GRXCR2: variants seen among roughly 807,000 people sequenced by gnomAD.
GRXCR2 encodes the protein glutaredoxin domain-containing cysteine-rich protein 2.
Under a neutral mutation model 24.8 loss-of-function variants are expected in GRXCR2, and 23 were observed. The ratio of observed to expected loss-of-function variants is 0.93; its 90% CI spans 0.67 to 1.32. The LOEUF (loss-of-function observed/expected upper bound fraction) is 1.32, where lower values mean the gene tolerates loss of function less well. GRXCR2 is among the 40% of genes most tolerant of loss of function. The pLI is 0.00. For synonymous variants in GRXCR2, 130 were observed against 116.1 expected, an observed-to-expected ratio of 1.12 and a Z score of -0.77; for missense variants, 315 against 303.4, an observed-to-expected ratio of 1.04 and a Z score of -0.28.
At chr5:145,860,003 AGGCT>A (rs1756307446) in intron 2 of GRXCR2, 88 bp from the exon 3 acceptor site, 1 of 1,091,834 alleles carries the variant, frequency 9.2e-7, no homozygotes, top group Non-Finnish European at 1.3e-6. Flanking sequence ...ACTACAGCAA[AGGCT>A]GGGGCAGAAT....
chr5:145,872,424 C>T (rs1756546804), intron 1 of GRXCR2, among the ~76,000 whole-genome samples: 1 of 152,180 alleles, frequency 6.6e-6, no homozygotes, highest in Non-Finnish European at 1.5e-5. Flanking sequence ...ACTATATATG[C>T]TCATTGCACT....
chr5:145,902,715 C>T (rs1757040623), intron 2 of GRXCR2, among the ~76,000 whole-genome samples: 1 of 152,224 alleles, frequency 6.6e-6, no homozygotes, highest in Admixed American at 6.5e-5. Flanking sequence ...ACCAATTACA[C>T]TGTGCATTAC....
chr5:145,902,037 T>C (rs1300276914), intron 2 of GRXCR2, among the ~76,000 whole-genome samples: 3 of 152,162 alleles, frequency 2.0e-5, no homozygotes, highest in Non-Finnish European at 4.4e-5. Flanking sequence ...GAGGTTTTTG[T>C]CCTAACAGTG....
At chr5:145,873,912 A>C (rs1265757222), upstream of GRXCR2, among the ~76,000 whole-genome samples, 1 of 152,186 alleles carries the variant, frequency 6.6e-6, no homozygotes, top group Non-Finnish European at 1.5e-5. Context: ...CAGACCTCAC[A>C]CAGGTGAAAT....
intron 2 of GRXCR2, among the ~76,000 whole-genome samples, chr5:145,918,670 C>T (rs1052974682): frequency 1.3e-5 from 2 of 152,186 alleles, no homozygotes; most frequent in African/African-American, 2.4e-5. Context: ...CCTGACTTCA[C>T]CTGCTCCCAC....
intron 2 of GRXCR2, among the ~76,000 whole-genome samples, chr5:145,928,891 A>C (rs1757441108): frequency 6.8e-6 from 1 of 147,834 alleles, no homozygotes. Flanking sequence ...GTACCCTAAA[A>C]CTTAAAGTAT....
chr5:145,903,258 A>T (rs1156484705), intron 2 of GRXCR2, among the ~76,000 whole-genome samples: 1 of 152,166 alleles, frequency 6.6e-6, no homozygotes, highest in Non-Finnish European at 1.5e-5. Context: ...CTAGTTTCCT[A>T]TGGAGACTTG....
intron 2 of GRXCR2, among the ~76,000 whole-genome samples, chr5:145,896,522 A>C (rs1029680234): frequency 6.6e-6 from 1 of 152,250 alleles, no homozygotes; most frequent in Non-Finnish European, 1.5e-5. Context: ...GCCAAAAGGC[A>C]CATGAAAAAA....
intron 2 of GRXCR2, among the ~76,000 whole-genome samples, chr5:145,916,124 G>T (rs1043320193): frequency 6.6e-6 from 1 of 152,020 alleles, no homozygotes; most frequent in Admixed American, 6.5e-5. Context: ...GAAGCGGGGG[G>T]CGCTGCTCAG....
intron 2 of GRXCR2, among the ~76,000 whole-genome samples, chr5:145,889,193 A>AAAGAAAGAAAGAAAGAAAGAAAGG (rs1756824219): frequency 2.3e-4 from 34 of 146,156 alleles, no homozygotes; most frequent in African/African-American, 8.1e-4. Context: ...AGAAAGAAAG[A>AAAGAAAGAAAGAAAGAAAGAAAGG]AAGAAAGAAA....
chr5:145,888,971 T>G (rs927949826), intron 2 of GRXCR2, among the ~76,000 whole-genome samples: 10 of 151,926 alleles, frequency 6.6e-5, no homozygotes, highest in African/African-American at 2.2e-4. Context: ...GCCAGGAGTT[T>G]GAGACCAGCC....
intron 2 of GRXCR2, among the ~76,000 whole-genome samples, chr5:145,928,815 A>T (rs1030595862): frequency 1.3e-5 from 2 of 149,750 alleles, no homozygotes; most frequent in Non-Finnish European, 3.0e-5. Context: ...TGACAAGTTA[A>T]TGGGTGCAGC....
chr5:145,869,561 T>TTA (rs1756494034), intron 1 of GRXCR2, among the ~76,000 whole-genome samples: 2 of 95,382 alleles, frequency 2.1e-5, no homozygotes, highest in African/African-American at 6.4e-5. Context: ...CTCTCTCTCT[T>TTA]TTTTTTTTTT....
At chr5:145,901,139 A>T (rs1335655684) in intron 2 of GRXCR2, among the ~76,000 whole-genome samples, 1 of 142,428 alleles carries the variant, frequency 7.0e-6, no homozygotes, top group Non-Finnish European at 1.5e-5. Flanking sequence ...GACACTGGGG[A>T]CTACTAGAGG....
intron 2 of GRXCR2, among the ~76,000 whole-genome samples, chr5:145,924,916 C>G (rs1033087465): frequency 2.0e-5 from 3 of 152,138 alleles, no homozygotes; most frequent in African/African-American, 7.2e-5. Flanking sequence ...ATGGCCAAAT[C>G]AGAATAAATA....
intron 2 of GRXCR2, among the ~76,000 whole-genome samples, chr5:145,864,866 TG>T (rs1309943334): frequency 1.3e-5 from 2 of 152,040 alleles, no homozygotes; most frequent in African/African-American, 4.8e-5. Context: ...TTTTTGAGTG[TG>T]GGGGCAGGTT....
intron 2 of GRXCR2, among the ~76,000 whole-genome samples, chr5:145,866,066 A>T (rs1756423948): frequency 6.6e-6 from 1 of 151,412 alleles, no homozygotes; most frequent in African/African-American, 2.4e-5. Context: ...TCCAGGAGAC[A>T]GAGGTTGCAG....
intron 2 of GRXCR2, among the ~76,000 whole-genome samples, chr5:145,913,328 A>G (rs182149519): frequency 5.8e-4 from 88 of 152,212 alleles, no homozygotes; most frequent in African/African-American, 2.0e-3. Flanking sequence ...GGCCTGCATC[A>G]TCTAGGATCC....
chr5:145,867,748 C>T (rs745874600), intron 1 of GRXCR2, among the ~76,000 whole-genome samples: 11 of 152,118 alleles, frequency 7.2e-5, no homozygotes, highest in South Asian at 2.1e-4. Context: ...TTGTGACATA[C>T]GGGAAAGTCA....
Sources: allele counts gnomAD v4.1 joint callset (sites outside exome capture counted in the v4.1 genomes callset), GRCh38; gene constraint gnomAD v4.1.1; transcripts MANE v1.5; gene names NCBI Gene and HGNC (gene_info 2026-07-23, HGNC 2026-07-21).